Variants in ADD3 observed in about 807,000 individuals in gnomAD.
ADD3 encodes the protein adducin 3.
ADD3 carries 25 observed loss-of-function variants against 80.2 expected under a neutral mutation model. That is an observed-to-expected ratio of 0.31 (90% CI 0.23 to 0.44). The LOEUF (loss-of-function observed/expected upper bound fraction) is 0.44. ADD3 is among the 20% of genes least tolerant of loss of function. The pLI is 1.00. For synonymous variants in ADD3, 284 were observed against 289.6 expected, an observed-to-expected ratio of 0.98 and a Z score of 0.20; for missense variants, 829 against 847.5, an observed-to-expected ratio of 0.98 and a Z score of 0.27.
intron 8 of ADD3, among the ~76,000 whole-genome samples, chr10:110,120,669 AACTAGAGAGCCCGCATCGCCAAGTC>A (rs1851378533): frequency 6.6e-6 from 1 of 152,156 alleles, no homozygotes; most frequent in African/African-American, 2.4e-5. Context: ...ACAATGGTTG[AACTAGAGAGCCCGCATCGCCAAGTC>A]AATCCTAAGC....
At chr10:110,000,733 T>C (rs1025245477) in intron 1 of ADD3, among the ~76,000 whole-genome samples, 2 of 152,218 alleles carry the variant, frequency 1.3e-5, no homozygotes, top group African/African-American at 4.8e-5. Flanking sequence ...CTAGCAGTGT[T>C]AATTCTATGC....
At chr10:110,125,981 T>G (rs1453930959) in intron 11 of ADD3, 36 bp downstream of exon 11, 6 of 1,564,824 alleles carry the variant, frequency 3.8e-6, no homozygotes, top group East Asian at 2.3e-5. Flanking sequence ...GGGAGACATT[T>G]TAATTGCTTT....
At position 110,058,743 on chromosome 10, in the gene ADD3, G is replaced by A. The variant is rs189080408; in HGVS notation, c.-29-41882G>A. Among the ~76,000 whole-genome samples the A allele has an allele frequency of 2.8e-3, 420 of 152,274 alleles. 3 individuals carry two copies. Among genetic ancestry groups the A allele is most frequent in the African/African-American group, 9.6e-3 (398 of 41,556 alleles). ...CCTTTGTATTGAGCCTTTTATGTAT[G>A]TTGAACTATCATTTGGAATATGATC... On this transcript the variant is annotated intron_variant, in intron 1 of 14. Coordinates refer to ENST00000356080, the MANE Select transcript of ADD3 (RefSeq NM_016824.5).
chr10:110,070,912 GT>G (rs1363470426), intron 1 of ADD3, among the ~76,000 whole-genome samples: 3 of 138,336 alleles, frequency 2.2e-5, no homozygotes, highest in African/African-American at 8.0e-5. Context: ...GAAGCTGAGA[GT>G]GTTAGTAGGC....
intron 1 of ADD3, among the ~76,000 whole-genome samples, chr10:110,013,918 G>C (rs962716021): frequency 6.6e-6 from 1 of 152,184 alleles, no homozygotes; most frequent in Non-Finnish European, 1.5e-5. Context: ...ATGGGAACTC[G>C]GTGTATGTCT....
intron 1 of ADD3, among the ~76,000 whole-genome samples, chr10:110,095,396 G>A (rs993512423): frequency 3.9e-5 from 6 of 152,154 alleles, no homozygotes; most frequent in African/African-American, 1.4e-4. Context: ...GTGCCTGGCA[G>A]CCATTAATCT....
chr10:110,031,027 G>A (rs979472688), intron 1 of ADD3, among the ~76,000 whole-genome samples: 4 of 152,054 alleles, frequency 2.6e-5, no homozygotes, highest in South Asian at 2.1e-4. Flanking sequence ...TGTAATCCCA[G>A]CACTTTGGGA....
chr10:109,999,602 T>C (rs975864871), intron 1 of ADD3, among the ~76,000 whole-genome samples: 4 of 152,234 alleles, frequency 2.6e-5, no homozygotes, highest in African/African-American at 9.6e-5. Context: ...AAAAACAGGA[T>C]CAATGATACT....
At chr10:110,087,902 G>A (rs1454120847) in intron 1 of ADD3, among the ~76,000 whole-genome samples, 1 of 152,142 alleles carries the variant, frequency 6.6e-6, no homozygotes, top group East Asian at 1.9e-4. Context: ...AAATCAAGGT[G>A]TTGGCAGGAT....
At chr10:110,010,088 A>G (rs1852157275) in intron 1 of ADD3, among the ~76,000 whole-genome samples, 1 of 152,168 alleles carries the variant, frequency 6.6e-6, no homozygotes, top group African/African-American at 2.4e-5. Flanking sequence ...ATTCTGCCTA[A>G]TTATGTTTAA....
intron 11 of ADD3, 130 bp downstream of exon 11, chr10:110,126,075 T>C (rs767625128): frequency 5.4e-5 from 52 of 957,618 alleles, no homozygotes; most frequent in Non-Finnish European, 7.3e-5. Context: ...TAATTCAGTA[T>C]AATTTTAGCT....
chr10:110,055,884 T>G (rs1243860021), intron 1 of ADD3, among the ~76,000 whole-genome samples: 1 of 152,254 alleles, frequency 6.6e-6, no homozygotes, highest in Non-Finnish European at 1.5e-5. Context: ...TGGCATAGTT[T>G]ATTAAATGAC....
intron 5 of ADD3, among the ~76,000 whole-genome samples, chr10:110,118,114 A>G (rs1851015704): frequency 2.0e-5 from 3 of 150,944 alleles, no homozygotes; most frequent in Non-Finnish European, 4.4e-5. Flanking sequence ...AGCTGGTATG[A>G]GTATAGGATC....
chr10:110,092,488 A>C (rs913517135), intron 1 of ADD3, among the ~76,000 whole-genome samples: 12 of 151,944 alleles, frequency 7.9e-5, no homozygotes, highest in African/African-American at 2.7e-4. Context: ...CAAATACTGC[A>C]TGTTCTCACC....
chr10:110,033,589 A>T (rs924338646), intron 1 of ADD3, among the ~76,000 whole-genome samples: 1 of 152,140 alleles, frequency 6.6e-6, no homozygotes, highest in African/African-American at 2.4e-5. Context: ...TTTCTGGGGA[A>T]TGGGATTTCA....
upstream of ADD3, among the ~76,000 whole-genome samples, chr10:110,006,359 A>T (rs1851635127): frequency 6.6e-6 from 1 of 152,182 alleles, no homozygotes; most frequent in African/African-American, 2.4e-5. Context: ...TGCTATTCAT[A>T]AAAAGGCTAA....
chr10:110,039,854 G>T (rs933690877), intron 1 of ADD3, among the ~76,000 whole-genome samples: 1 of 152,200 alleles, frequency 6.6e-6, no homozygotes, highest in Non-Finnish European at 1.5e-5. Flanking sequence ...ATGAGCTTAT[G>T]GTGGAGAGCT....
chr10:110,018,866 A>T (rs1192801833), intron 1 of ADD3, among the ~76,000 whole-genome samples: 1 of 152,192 alleles, frequency 6.6e-6, no homozygotes, highest in Non-Finnish European at 1.5e-5. Flanking sequence ...TGGTGGTCAC[A>T]TGTAGACTTT....
rs770969233 is a variant in ADD3, at chr10:110,100,836, C to CCTGCAAAGTCCTGTGAGTTGA, written c.184_195+9dup. 1.1e-5 allele frequency: 17 copies of CCTGCAAAGTCCTGTGAGTTGA among 1,601,620 alleles called. No homozygotes were observed. In the African/African-American group the frequency reaches 2.2e-4, roughly 20 times the overall value. On this transcript the variant is annotated stop_gained and inframe_insertion, in exon 2 of 15. Coordinates refer to ENST00000356080, the MANE Select transcript of ADD3 (RefSeq NM_016824.5). LOFTEE classifies it high-confidence loss of function. ...AGCAGAGGAAACGAGTTACTCAGAT[C>CCTGCAAAGTCCTGTGAGTTGA]CTGCAAAGTCCTGTGAGTTGAATTA...
Sources: allele counts gnomAD v4.1 joint callset (sites outside exome capture counted in the v4.1 genomes callset), GRCh38; gene constraint gnomAD v4.1.1; transcripts MANE v1.5; gene names NCBI Gene and HGNC (gene_info 2026-07-23, HGNC 2026-07-21).